The following CLASRP variants were observed in gnomAD, a reference collection of about 807,000 sequenced individuals.
CLASRP encodes CLK4 associating serine/arginine rich protein.
CLASRP carries 52 observed loss-of-function variants against 99.9 expected under a neutral mutation model. The ratio of observed to expected loss-of-function variants is 0.52; its 90% CI spans 0.42 to 0.66. The LOEUF is 0.66. Ranked by LOEUF, CLASRP falls within the 30% of genes least tolerant of loss-of-function variation. CLASRP has a pLI of 0.00. For synonymous variants in CLASRP, 379 were observed against 373.0 expected, an observed-to-expected ratio of 1.02 and a Z score of -0.18; for missense variants, 848 against 999.2, an observed-to-expected ratio of 0.85 and a Z score of 2.04.
Position 45,070,845 on chromosome 19 carries a change from G to A in CLASRP, c.2025G>A (p.Ter675=). The A allele has an allele frequency of 6.3e-7, 1 of 1,598,862 alleles. No individual in the cohort carries two copies. The highest frequency in any genetic ancestry group is 1.1e-5 in the South Asian group (1 of 90,350). Residue 675 remains the stop codon, a stop_retained_variant, in exon 21 of 21, where the codon TAG becomes TAA. Transcript: ENST00000221455. ...CCCGAAGCCCCCATTACCGACATTA[G>A]GCAGAAGAGTGGGGGGTGGGGAGGA... ...SRSRSPHYRH[*]
chr19:45,045,165 T>C (rs1220479863), intron 2 of CLASRP, among the ~76,000 whole-genome samples: 1 of 152,228 alleles, frequency 6.6e-6, no homozygotes, highest in Admixed American at 6.5e-5. Flanking sequence ...GTCTTCATTC[T>C]ATCCAGCAGG....
In CLASRP at chr19:45,052,435, G is replaced by C. The variant is rs73941103; in HGVS notation, c.197+267G>C. Among the ~76,000 whole-genome samples, 1,451 of 152,318 alleles carry C rather than the reference G, an allele frequency of 9.5e-3. 24 individuals are homozygous for C. Among genetic ancestry groups the C allele is most frequent in the African/African-American group, 0.034 (1,408 of 41,560 alleles). On this transcript the variant is annotated intron_variant, in intron 3 of 20. Coordinates refer to ENST00000221455, the MANE Select transcript of CLASRP (RefSeq NM_007056.3). ...GGGCCAGAGGCCCAGAGGAAGCAGA[G>C]AGTAGGTTGCCAGACCCGAGCTGGC...
At chr19:45,069,911 G>T in intron 18 of CLASRP, 111 bp from the exon 19 acceptor site, 1 of 660,138 alleles carries the variant, frequency 1.5e-6, no homozygotes. Context: ...TGGCAGTACC[G>T]GCCCCCTTGG....
chr19:45,058,189 C>G (rs1016678208), intron 7 of CLASRP: 1 of 444,242 alleles, frequency 2.3e-6, no homozygotes, highest in Non-Finnish European at 4.2e-6. Flanking sequence ...CTGCCTTTGC[C>G]CCTCTCTCCT....
At chr19:45,051,650 G>A (rs1972024917) in intron 2 of CLASRP, among the ~76,000 whole-genome samples, 1 of 152,040 alleles carries the variant, frequency 6.6e-6, no homozygotes, top group Non-Finnish European at 1.5e-5. Flanking sequence ...CACCTCTGAG[G>A]TATGGCCCAC....
intron 1 of CLASRP, chr19:45,039,945 C>G (rs1971781589): frequency 3.1e-6 from 1 of 323,846 alleles, no homozygotes; most frequent in African/African-American, 2.1e-5. Context: ...ACCCCTTTCC[C>G]AGTGATGCTC....
At chr19:45,061,023 C>T (rs1376842961) in intron 10 of CLASRP, among the ~76,000 whole-genome samples, 2 of 152,140 alleles carry the variant, frequency 1.3e-5, no homozygotes, top group African/African-American at 4.8e-5. Context: ...CAATTTTTTC[C>T]TTTGGAAAAC....
In CLASRP at chr19:45,064,026, C is replaced by G; in HGVS notation, c.920C>G (p.Ser307Cys). Residue 307 changes from serine to cysteine, a missense_variant, in exon 12 of 21, where the codon TCC (serine) becomes TGC (cysteine). Ser to Cys is a moderately radical substitution (Grantham distance 112). Coordinates refer to ENST00000221455, the MANE Select transcript of CLASRP (RefSeq NM_007056.3). ...YDPYKRSPSE[S>C]SSESRSRSRS... The stretch of plus-strand genomic sequence containing the variant: ...CCTACCCGCAGGTCACCCTCGGAGT[C>G]CAGCTCAGAGTCCCGCTCCCGCTCC... 2 of 1,611,806 alleles carry G rather than the reference C, an allele frequency of 1.2e-6. No individual in the cohort carries two copies. Among genetic ancestry groups the G allele is most frequent in the South Asian group, 1.1e-5 (1 of 90,896 alleles).
At chr19:45,043,458 C>G (rs1358946732) in intron 2 of CLASRP, among the ~76,000 whole-genome samples, 2 of 150,390 alleles carry the variant, frequency 1.3e-5, no homozygotes, top group Non-Finnish European at 3.0e-5. Flanking sequence ...TACGTATATG[C>G]ACATACCCAG....
chr19:45,059,007 CTT>C (rs1972176614), intron 7 of CLASRP, among the ~76,000 whole-genome samples: 1 of 152,060 alleles, frequency 6.6e-6, no homozygotes, highest in African/African-American at 2.4e-5. Context: ...CCATCTCTCC[CTT>C]CTCTTTCCCT....
intron 16 of CLASRP, 57 bp from the exon 17 acceptor site, chr19:45,069,005 GAAAA>G (rs1310401011): frequency 1.7e-6 from 2 of 1,168,250 alleles, no homozygotes; most frequent in South Asian, 1.4e-5. Flanking sequence ...AAAAAAAAAA[GAAAA>G]AAGAGAGTGG....
In CLASRP at chr19:45,052,304, G is replaced by T. The variant is rs980497238; in HGVS notation, c.197+136G>T. 7 of 684,744 alleles carry T rather than the reference G, an allele frequency of 1.0e-5. No homozygotes were observed. In the Admixed American group the frequency reaches 1.7e-4, roughly 16 times the overall value. 42.4% of individuals were successfully genotyped at this position (684,744 alleles called of 1,614,324 possible). On this transcript the variant is annotated intron_variant, in intron 3 of 20. Transcript: ENST00000221455. Reference sequence around the variant, plus strand: ...CTCAGAGGCAGGGAAGGTGTGACCCGCATATGAAGGTGATAGTCACAGGGT... The same window carrying T: ...CTCAGAGGCAGGGAAGGTGTGACCCTCATATGAAGGTGATAGTCACAGGGT...
chr19:45,067,600 CG>C lies in CLASRP; in HGVS notation c.1667+10del. ...GTGGGCGAGAAGCTGAAAAAGTGAG[CG>C]GGGCGGGTCTGGAGGAAGAGGGCTG... On this transcript the variant is annotated splice_region_variant and intron_variant, in intron 14 of 20. Transcript: ENST00000221455. The surrounding 1 kb of genome is among the most constrained non-coding windows in gnomAD (Gnocchi z 4.9). 1 of 1,583,612 alleles carries C rather than the reference CG, an allele frequency of 6.3e-7. No individual in the cohort carries two copies.
At chr19:45,046,470 A>T (rs1403065328) in intron 2 of CLASRP, among the ~76,000 whole-genome samples, 2 of 152,160 alleles carry the variant, frequency 1.3e-5, no homozygotes, top group Non-Finnish European at 2.9e-5. Flanking sequence ...GAAGCTCCAG[A>T]CTGACCCCCA....
Position 45,064,157 on chromosome 19 carries a change from G to A in CLASRP, c.1051G>A (p.Val351Ile). 3.1e-6 allele frequency: 5 copies of A among 1,611,368 alleles called. No individual in the cohort carries two copies. The highest frequency in any genetic ancestry group is 4.2e-6 in the Non-Finnish European group (5 of 1,179,486). The change falls in exon 12 of 21, where the codon GTC becomes ATC. Residue 351 changes from valine (V) to isoleucine (I), a missense_variant. Around this residue, in one of 8 missense-constraint regions of CLASRP, gnomAD observed 489 missense variants for 434.7 expected, o/e 1.12. Coordinates refer to ENST00000221455, the MANE Select transcript of CLASRP (RefSeq NM_007056.3). ...AAAAAAAASG[V>I]TTGKPPAPPQ... is the part of the protein sequence containing the mutation. The stretch of plus-strand genomic sequence containing the variant: ...CGCTGCTGCCGCAGCAGCATCAGGA[G>A]TCACCACAGGGAAGCCCCCCGCACC...
chr19:45,064,567 ACGGACAC>A lies in CLASRP; in HGVS notation c.1350_1356del (p.His451ThrfsTer56), dbSNP rs1967036535. 1.3e-6 allele frequency: 2 copies of A among 1,540,458 alleles called. No homozygotes were observed. The highest frequency in any genetic ancestry group is 1.7e-6 in the Non-Finnish European group (2 of 1,147,666). On this transcript the variant is annotated frameshift_variant, in exon 13 of 21. Coordinates refer to ENST00000221455, the MANE Select transcript of CLASRP (RefSeq NM_007056.3). LOFTEE classifies it high-confidence loss of function. Reference sequence around the variant, plus strand: ...CGGCACTCAGGTGGGGGCTCCCGAGACGGACACCGGTACTCCCGCTCGCCCGCCCGGC... The same window carrying A: ...CGGCACTCAGGTGGGGGCTCCCGAGACGGTACTCCCGCTCGCCCGCCCGGC...
rs937097814 is a variant in CLASRP at position 45,067,843 on chromosome 19, G to A, written c.1668-172G>A. Among the ~76,000 whole-genome samples, 1 of 152,144 alleles carries A rather than the reference G, an allele frequency of 6.6e-6. No homozygotes were observed. Among genetic ancestry groups the A allele is most frequent in the South Asian group, 2.1e-4 (1 of 4,832 alleles). On this transcript the variant is annotated intron_variant, in intron 14 of 20. Transcript: ENST00000221455. This position sits in a 1 kb window ranked among gnomAD's most constrained non-coding sequence, Gnocchi z 4.9. ...CCTGGGTGAGGGTCAGAGGGGGACA[G>A]GTCCCTGTCTTACAGGTTCTGTGGG...
chr19:45,070,783 C>T lies in CLASRP; in HGVS notation c.1983-20C>T. 1 of 1,608,554 alleles carries T rather than the reference C, an allele frequency of 6.2e-7. No individual in the cohort carries two copies. Among genetic ancestry groups the T allele is most frequent in the Non-Finnish European group, 8.5e-7 (1 of 1,175,738 alleles). The stretch of plus-strand genomic sequence containing the variant: ...TGTGTGTATGCCCCATCCTCACGGC[C>T]CCTCCCTTTCTCTTTCCAGGCGCTC... On this transcript the variant is annotated intron_variant, in intron 20 of 20. Coordinates refer to ENST00000221455, the MANE Select transcript of CLASRP (RefSeq NM_007056.3).
intron 18 of CLASRP, 147 bp from the exon 19 acceptor site, chr19:45,069,875 G>A: frequency 1.7e-6 from 1 of 598,180 alleles, no homozygotes; most frequent in East Asian, 2.8e-5. Flanking sequence ...TCTGAACCTG[G>A]GGCTCCCTTT....
Sources: gnomAD v4.1 joint callset for allele counts (sites outside exome capture counted in the v4.1 genomes callset) on GRCh38, gnomAD v4.1.1 for gene constraint, gnomAD v4.1.1 regional missense constraint, Gnocchi (gnomAD v3.1) non-coding constraint, MANE v1.5 for transcripts, NCBI Gene and HGNC (gene_info 2026-07-23, HGNC 2026-07-21) for gene names.